Variants in PLS3 observed in about 807,000 individuals in gnomAD.
PLS3 encodes plastin-3.
PLS3 carries 11 observed loss-of-function variants against 46.5 expected under a neutral mutation model. The ratio of observed to expected loss-of-function variants is 0.24; its 90% CI spans 0.15 to 0.39. PLS3 has a LOEUF of 0.39. Ranked by LOEUF, PLS3 falls within the 10% of genes least tolerant of loss-of-function variation. The probability of loss-of-function intolerance (pLI) is 1.00; values close to 1 mark genes in which losing one functional copy is unlikely to be tolerated. For synonymous variants in PLS3, 167 were observed against 162.2 expected (o/e 1.03, Z -0.22); for missense variants, 308 against 461.8 (o/e 0.67, Z 3.05).
intron 1 of PLS3, among the ~76,000 whole-genome samples, chrX:115,585,667 G>A (rs2074303435): frequency 9.0e-6 from 1 of 111,074 alleles, no homozygotes; most frequent in Non-Finnish European, 1.9e-5. Context: ...TGGGATTACA[G>A]GTGTGAGCCA....
At chrX:115,570,511 T>G (rs2074206771) in intron 1 of PLS3, among the ~76,000 whole-genome samples, 1 of 99,091 alleles carries the variant, frequency 1.0e-5, no homozygotes, top group Non-Finnish European at 2.0e-5. Flanking sequence ...TCCTTTTTTT[T>G]TTTTTTTTTT....
intron 1 of PLS3, among the ~76,000 whole-genome samples, chrX:115,572,158 A>G (rs183853732): frequency 9.0e-6 from 1 of 111,464 alleles, no homozygotes; most frequent in East Asian, 2.8e-4. Context: ...TTTATCCTCA[A>G]ACAAGGTGTT....
Position 115,646,545 on chromosome X carries a change from A to C in PLS3, c.1511+10A>C, listed in dbSNP as rs782583925. 3 of 1,201,411 alleles carry C rather than the reference A, an allele frequency of 2.5e-6. No homozygotes were observed. Among genetic ancestry groups the C allele is most frequent in the Non-Finnish European group, 3.4e-6 (3 of 889,847 alleles). On this transcript the variant is annotated intron_variant, in intron 13 of 15. Coordinates refer to ENST00000355899, the MANE Select transcript of PLS3 (RefSeq NM_005032.7). ...GGCAGCTGATGAGAAGGTATAGTAC[A>C]CAATTTTAGCTGTTTAGTCTTTACT...
At chrX:115,562,062 G>C in intron 1 of PLS3, among the ~76,000 whole-genome samples, 1 of 110,435 alleles carries the variant, frequency 9.1e-6, no homozygotes, top group Non-Finnish European at 1.9e-5. Context: ...CGGGGCGGCG[G>C]CAGTCCCGGA....
At chrX:115,647,154 G>A (rs782041440) in intron 13 of PLS3, among the ~76,000 whole-genome samples, 6 of 111,596 alleles carry the variant, frequency 5.4e-5, no homozygotes, top group South Asian at 3.8e-4. Flanking sequence ...GAATATAGGG[G>A]CCAGGAGTGG....
At chrX:115,649,026 TG>T (rs200741029) in intron 15 of PLS3, among the ~76,000 whole-genome samples, 3,255 of 111,413 alleles carry the variant, frequency 0.029, 37 homozygotes, top group Non-Finnish European at 0.031. Flanking sequence ...CCTAACAACT[TG>T]GGTTTTGCAT....
At chrX:115,610,687 C>T in intron 2 of PLS3, 1 of 319,987 alleles carries the variant, frequency 3.1e-6, no homozygotes, top group Non-Finnish European at 5.4e-6. Context: ...AAACTTTCAC[C>T]ATATTCTCAA....
chrX:115,616,671 G>T (rs370494787), intron 2 of PLS3, among the ~76,000 whole-genome samples: 44 of 111,590 alleles, frequency 3.9e-4, no homozygotes, highest in African/African-American at 1.4e-3. Flanking sequence ...CTGAGGGTTC[G>T]AAATAAAATT....
At chrX:115,610,803 A>G (rs930884215) in intron 2 of PLS3, 4 of 961,108 alleles carry the variant, frequency 4.2e-6, no homozygotes, top group East Asian at 7.4e-5. Context: ...GTTACTGCAG[A>G]TCGTTCTACC....
At chrX:115,637,127 C>A in intron 8 of PLS3, 149 bp downstream of exon 8, 1 of 501,121 alleles carries the variant, frequency 2.0e-6, no homozygotes, top group Non-Finnish European at 3.3e-6. Flanking sequence ...GTAATAGAGC[C>A]AGATAAGGTA....
chrX:115,644,008 G>A (rs940317758), intron 10 of PLS3, among the ~76,000 whole-genome samples: 4 of 111,145 alleles, frequency 3.6e-5, no homozygotes, highest in Admixed American at 9.6e-5. Flanking sequence ...TAGTCGAGTC[G>A]CTTAATGTAA....
At chrX:115,634,176 A>G in intron 6 of PLS3, 95 bp downstream of exon 6, 1 of 504,235 alleles carries the variant, frequency 2.0e-6, no homozygotes, top group Non-Finnish European at 3.5e-6. Context: ...CTCCCAATCA[A>G]TCCTTGTAAA....
intron 10 of PLS3, among the ~76,000 whole-genome samples, chrX:115,644,450 T>C (rs1209433548): frequency 9.2e-6 from 1 of 109,218 alleles, no homozygotes; most frequent in Non-Finnish European, 1.9e-5. Flanking sequence ...TACAAAAAAT[T>C]AGGCAGGCAT....
intron 1 of PLS3, among the ~76,000 whole-genome samples, chrX:115,601,466 A>T (rs1249479094): frequency 1.8e-5 from 2 of 108,189 alleles, no homozygotes; most frequent in African/African-American, 6.7e-5. Flanking sequence ...TCTGATAAAA[A>T]AAAAAAAAAA....
chrX:115,630,827 GTATATATGTA>G (rs1344671682), intron 5 of PLS3, among the ~76,000 whole-genome samples: 1 of 88,417 alleles, frequency 1.1e-5, no homozygotes, highest in Non-Finnish European at 2.1e-5. Context: ...TATAATACAT[GTATATATGTA>G]TATATATGTA....
chrX:115,616,976 G>A (rs1556636888), intron 2 of PLS3, among the ~76,000 whole-genome samples: 1 of 111,662 alleles, frequency 9.0e-6, no homozygotes, highest in South Asian at 3.8e-4. Flanking sequence ...TTTAGAAGAC[G>A]ACGCACATTC....
chrX:115,581,479 CAG>C (rs2074279092), intron 1 of PLS3, among the ~76,000 whole-genome samples: 2 of 111,810 alleles, frequency 1.8e-5, no homozygotes, highest in Non-Finnish European at 3.8e-5. Flanking sequence ...AAAGAACACT[CAG>C]AAATTTACTT....
intron 2 of PLS3, among the ~76,000 whole-genome samples, chrX:115,617,496 G>A (rs192021623): frequency 8.9e-6 from 1 of 112,065 alleles, no homozygotes; most frequent in East Asian, 2.8e-4. Flanking sequence ...GCTCATCTAG[G>A]ATTAGAGCAT....
chrX:115,576,571 A>C (rs1603219407), intron 1 of PLS3, among the ~76,000 whole-genome samples: 1 of 111,584 alleles, frequency 9.0e-6, no homozygotes, highest in East Asian at 2.8e-4. Context: ...AATATCCTGC[A>C]ATTTCAGATT....
Sources: gnomAD v4.1 joint callset for allele counts (sites outside exome capture counted in the v4.1 genomes callset) on GRCh38, gnomAD v4.1.1 for gene constraint, MANE v1.5 for transcripts, NCBI Gene and HGNC (gene_info 2026-07-23, HGNC 2026-07-21) for gene names.